The following XPR1 variants were observed in gnomAD, a reference collection of about 807,000 sequenced individuals.
XPR1 encodes the protein xenotropic and polytropic retrovirus receptor 1.
Under a neutral mutation model 87.5 loss-of-function variants are expected in XPR1, and 28 were observed. The ratio of observed to expected loss-of-function variants is 0.32; its 90% CI spans 0.24 to 0.44. XPR1 has a LOEUF of 0.44. Ranked by LOEUF, XPR1 falls within the 20% of genes least tolerant of loss-of-function variation. XPR1 has a pLI of 1.00. For synonymous variants in XPR1, 300 were observed against 306.1 expected, an observed-to-expected ratio of 0.98 and a Z score of 0.21; for missense variants, 559 against 862.3, an observed-to-expected ratio of 0.65 and a Z score of 4.41.
rs557506570 is a variant in XPR1, at chr1:180,887,513, G to T, written c.*3447G>T. On this transcript the variant is annotated 3_prime_UTR_variant, in exon 15 of 15. Transcript: ENST00000367590. ...GTAATTGGTGATTTCATAGCATACA[G>T]AGAAACAATGAAATCAAAGATTAAA... is the stretch of plus-strand genomic sequence containing the variant. The T allele has an allele frequency of 8.5e-4, 130 of 152,322 alleles. No individual in the cohort carries two copies. Among genetic ancestry groups the T allele is most frequent in the African/African-American group, 3.0e-3 (125 of 41,556 alleles). The allele number at this position is 152,322 out of a possible 1,614,324, so 9.4% of individuals were successfully genotyped here. A position where few individuals can be genotyped will look rare whatever the true frequency, so the allele number is the denominator to read the frequency against.
chr1:180,810,916 C>T (rs1169661856), intron 6 of XPR1, among the ~76,000 whole-genome samples: 1 of 151,772 alleles, frequency 6.6e-6, no homozygotes, highest in Non-Finnish European at 1.5e-5. Flanking sequence ...TGCTCAAGTC[C>T]CTTATAAAAT....
chr1:180,746,538 C>T (rs1647261704), intron 2 of XPR1, among the ~76,000 whole-genome samples: 1 of 152,064 alleles, frequency 6.6e-6, no homozygotes, highest in South Asian at 2.1e-4. Flanking sequence ...ACTTAGGTTG[C>T]TTCCGTATCT....
chr1:180,743,523 A>G (rs1029341489), intron 2 of XPR1, among the ~76,000 whole-genome samples: 2 of 152,144 alleles, frequency 1.3e-5, no homozygotes, highest in African/African-American at 4.8e-5. Flanking sequence ...CAAAGATTTT[A>G]TAGAACTCAA....
chr1:180,725,856 A>G (rs1253424263), intron 2 of XPR1, among the ~76,000 whole-genome samples: 1 of 152,216 alleles, frequency 6.6e-6, no homozygotes, highest in Non-Finnish European at 1.5e-5. Flanking sequence ...ATGTGCCCTT[A>G]AGCAAGTTTT....
At chr1:180,824,260 C>T (rs1301991501) in intron 7 of XPR1, among the ~76,000 whole-genome samples, 4 of 152,030 alleles carry the variant, frequency 2.6e-5, no homozygotes, top group African/African-American at 9.7e-5. Flanking sequence ...GAGAAAGAAC[C>T]CACAGGCGAC....
intron 2 of XPR1, among the ~76,000 whole-genome samples, chr1:180,779,715 G>GGA (rs1033400654): frequency 4.0e-5 from 6 of 151,840 alleles, no homozygotes; most frequent in African/African-American, 1.5e-4. Context: ...AGGGGGAGAG[G>GGA]GAGAGGGAGA....
intron 2 of XPR1, among the ~76,000 whole-genome samples, chr1:180,748,413 T>C: frequency 1.3e-5 from 1 of 77,818 alleles, no homozygotes; most frequent in African/African-American, 7.4e-5. Context: ...TTTTTTTTTT[T>C]TTTTTTTTTT....
In XPR1 at chr1:180,719,038, AT is replaced by A. The variant is rs1181023889; in HGVS notation, c.121+36631del. On this transcript the variant is annotated intron_variant, in intron 2 of 14. Transcript: ENST00000367590. The stretch of plus-strand genomic sequence containing the variant: ...AAGTTTGTGAATTAGATTATAATGT[AT>A]TTTCCAAATTAATTTTACAACATAA... Among the ~76,000 whole-genome samples, 4 of 152,274 alleles carry A rather than the reference AT, an allele frequency of 2.6e-5. No individual in the cohort carries two copies. In the East Asian group the frequency reaches 7.7e-4, roughly 29 times the overall value.
chr1:180,762,832 A>G (rs771873494), intron 2 of XPR1, among the ~76,000 whole-genome samples: 2 of 152,234 alleles, frequency 1.3e-5, no homozygotes, highest in African/African-American at 2.4e-5. Flanking sequence ...ATGTACTAAT[A>G]CAGCAGACAT....
intron 2 of XPR1, among the ~76,000 whole-genome samples, chr1:180,687,849 A>G (rs1022290101): frequency 5.9e-5 from 9 of 151,554 alleles, no homozygotes; most frequent in African/African-American, 1.9e-4. Context: ...ATGTAAATAT[A>G]TATTTTAGAT....
intron 13 of XPR1, among the ~76,000 whole-genome samples, chr1:180,878,764 G>A (rs1652746157): frequency 6.6e-6 from 1 of 152,126 alleles, no homozygotes; most frequent in Non-Finnish European, 1.5e-5. Context: ...TCCCAGCAAA[G>A]CACTTTCTTC....
Position 180,770,754 on chromosome 1 carries a change from T to A in XPR1, c.122-16999T>A, listed in dbSNP as rs147326516. The stretch of plus-strand genomic sequence containing the variant: ...CCCCTGCTTACTATCTTTTAAAGTG[T>A]TACATGGCCCCTTCATCTGGCGGTC... On this transcript the variant is annotated intron_variant, in intron 2 of 14. Coordinates refer to ENST00000367590, the MANE Select transcript of XPR1 (RefSeq NM_004736.4). Among the ~76,000 whole-genome samples the A allele has an allele frequency of 3.0e-4, 45 of 152,302 alleles. 1 individual carries two copies. The East Asian group carries it at 8.5e-3, about 29-fold the overall frequency.
At chr1:180,825,626 A>C (rs1185127554) in intron 9 of XPR1, among the ~76,000 whole-genome samples, 2 of 152,206 alleles carry the variant, frequency 1.3e-5, no homozygotes, top group African/African-American at 4.8e-5. Context: ...TCCTTCCCCC[A>C]AAAAAATGTG....
chr1:180,879,580 A>G (rs1365087179), intron 13 of XPR1, among the ~76,000 whole-genome samples: 1 of 152,166 alleles, frequency 6.6e-6, no homozygotes, highest in Non-Finnish European at 1.5e-5. Context: ...GCTTCTTTGT[A>G]TCAGTCAGGT....
intron 2 of XPR1, among the ~76,000 whole-genome samples, chr1:180,708,214 G>A (rs9919230): frequency 0.043 from 6,537 of 152,246 alleles, 499 homozygotes; most frequent in African/African-American, 0.15. Flanking sequence ...TCAGTAGCCA[G>A]TGGTTTTTGC....
intron 10 of XPR1, among the ~76,000 whole-genome samples, chr1:180,835,469 T>A (rs1285958275): frequency 6.6e-6 from 1 of 152,118 alleles, no homozygotes; most frequent in Non-Finnish European, 1.5e-5. Flanking sequence ...TTACTTGGGA[T>A]GTTATTTTTC....
At chr1:180,698,830 A>G (rs1178339309) in intron 2 of XPR1, among the ~76,000 whole-genome samples, 1 of 152,092 alleles carries the variant, frequency 6.6e-6, no homozygotes, top group South Asian at 2.1e-4. Flanking sequence ...TGAATATATC[A>G]TCTCATTATC....
In XPR1 at chr1:180,886,443, C is replaced by T. The variant is rs566193559; in HGVS notation, c.*2377C>T. 6.6e-6 allele frequency: 1 copy of T among 152,290 alleles called. No individual in the cohort carries two copies. Among genetic ancestry groups the T allele is most frequent in the East Asian group, 1.9e-4 (1 of 5,190 alleles). The allele number at this position is 152,290 out of a possible 1,614,324, so 9.4% of individuals were successfully genotyped here. On this transcript the variant is annotated 3_prime_UTR_variant, in exon 15 of 15. Transcript: ENST00000367590. ...GTTGACTTCTGCTGTTTGAATTCCC[C>T]AGTGTTTTTACATTAATGTATCCTA...
chr1:180,888,345 T>C lies in XPR1; in HGVS notation c.*4279T>C, dbSNP rs1653079921. The C allele has an allele frequency of 6.7e-6, 1 of 149,068 alleles. No individual in the cohort carries two copies. The highest frequency in any genetic ancestry group is 1.9e-4 in the East Asian group (1 of 5,142). 9.2% of individuals were successfully genotyped at this position (149,068 alleles called of 1,614,324 possible). ...CAGATTTCAGGTCATTATTGTTTTC[T>C]TTTAATGGTTTACATGAAATTTTCC... On this transcript the variant is annotated 3_prime_UTR_variant, in exon 15 of 15. Transcript: ENST00000367590.
Sources: gnomAD v4.1 joint callset for allele counts (sites outside exome capture counted in the v4.1 genomes callset) on GRCh38, gnomAD v4.1.1 for gene constraint, MANE v1.5 for transcripts, NCBI Gene and HGNC (gene_info 2026-07-23, HGNC 2026-07-21) for gene names.